The following CSMD1 variants were observed in gnomAD, a reference collection of about 807,000 sequenced individuals.
The protein encoded by CSMD1 is CUB and sushi domain-containing protein 1.
CSMD1 carries 213 observed loss-of-function variants against 417.5 expected under a neutral mutation model. The observed-to-expected ratio is 0.51, with a 90% CI of 0.46 to 0.57. The LOEUF (loss-of-function observed/expected upper bound fraction) is 0.57, where lower values mean the gene tolerates loss of function less well. CSMD1 is among the 20% of genes least tolerant of loss of function. The pLI, the probability that CSMD1 is intolerant of heterozygous loss-of-function variation, is 0.00. For missense variants in CSMD1, 6,923 were observed against 4,529.7 expected (o/e 1.53, Z -15.17); for synonymous variants, 2,862 against 1,736.8 (o/e 1.65, Z -16.11).
intron 2 of CSMD1, among the ~76,000 whole-genome samples, chr8:4,576,915 G>A (rs1318254322): frequency 1.3e-5 from 2 of 152,144 alleles, no homozygotes; most frequent in African/African-American, 4.8e-5. Context: ...TTAATAGAAT[G>A]ATTATTTAGA....
At chr8:4,355,119 G>A (rs535521316) in intron 3 of CSMD1, among the ~76,000 whole-genome samples, 5 of 151,724 alleles carry the variant, frequency 3.3e-5, no homozygotes, top group Non-Finnish European at 7.4e-5. Flanking sequence ...AAAATTAGCC[G>A]GGCGTGGTGG....
chr8:4,030,311 C>G (rs1382058416), intron 4 of CSMD1, among the ~76,000 whole-genome samples: 1 of 152,222 alleles, frequency 6.6e-6, no homozygotes, highest in Non-Finnish European at 1.5e-5. Context: ...TAGCAAACTT[C>G]TATCTGGACA....
In CSMD1 at chr8:3,250,215, C is replaced by A. The variant is rs1222121700; in HGVS notation, c.4154-19984G>T. On this transcript the variant is annotated intron_variant, in intron 26 of 69. Coordinates refer to ENST00000635120, the MANE Select transcript of CSMD1 (RefSeq NM_033225.6). ...AAATACTATCCCTCCCTGATCCCCC[C>A]ACCCCACAACAGGCCCCAGTGTGTG... is the stretch of plus-strand genomic sequence containing the variant. Among the ~76,000 whole-genome samples, 4 of 152,178 alleles carry A rather than the reference C, an allele frequency of 2.6e-5. No homozygotes were observed. The South Asian group carries it at 6.2e-4, about 24-fold the overall frequency.
intron 3 of CSMD1, among the ~76,000 whole-genome samples, chr8:4,043,699 C>T (rs972435816): frequency 4.6e-5 from 7 of 152,134 alleles, no homozygotes; most frequent in Admixed American, 1.3e-4. Context: ...TTCTGAATTA[C>T]ACATTCAATT....
chr8:4,183,908 G>T (rs1798519298), intron 3 of CSMD1, among the ~76,000 whole-genome samples: 1 of 152,100 alleles, frequency 6.6e-6, no homozygotes, highest in African/African-American at 2.4e-5. Flanking sequence ...GCCACAGCTT[G>T]GGGCAGCTAC....
At chr8:4,442,701 C>T (rs928633143) in intron 2 of CSMD1, among the ~76,000 whole-genome samples, 13 of 152,232 alleles carry the variant, frequency 8.5e-5, no homozygotes, top group East Asian at 3.9e-4. Flanking sequence ...AAAGGTAGTT[C>T]CCCGAAATGT....
At chr8:3,970,738 G>T (rs965731252) in intron 5 of CSMD1, among the ~76,000 whole-genome samples, 3 of 151,896 alleles carry the variant, frequency 2.0e-5, no homozygotes, top group Non-Finnish European at 4.4e-5. Flanking sequence ...AGGTGGCATG[G>T]CATCTTGTTT....
intron 1 of CSMD1, among the ~76,000 whole-genome samples, chr8:4,845,298 T>A (rs1801078965): frequency 6.6e-6 from 1 of 152,222 alleles, no homozygotes; most frequent in African/African-American, 2.4e-5. Context: ...AAACGAACAC[T>A]GTTAATGTGC....
chr8:4,726,254 A>T (rs1028109349), intron 1 of CSMD1, among the ~76,000 whole-genome samples: 2 of 152,064 alleles, frequency 1.3e-5, no homozygotes, highest in African/African-American at 4.8e-5. Flanking sequence ...GTGTTTCTAC[A>T]GCCTTGCCCC....
chr8:3,080,865 A>G (rs1413696131), intron 49 of CSMD1, among the ~76,000 whole-genome samples: 2 of 152,234 alleles, frequency 1.3e-5, no homozygotes, highest in Non-Finnish European at 2.9e-5. Context: ...GATGGCCCTC[A>G]CAATGTATCC....
chr8:3,609,463 T>C (rs1284345517), intron 8 of CSMD1, among the ~76,000 whole-genome samples: 1 of 152,218 alleles, frequency 6.6e-6, no homozygotes, highest in Non-Finnish European at 1.5e-5. Flanking sequence ...TTGTATTTTA[T>C]GCTTTATTTT....
At chr8:3,546,918 T>C (rs1798690975) in intron 10 of CSMD1, among the ~76,000 whole-genome samples, 1 of 152,198 alleles carries the variant, frequency 6.6e-6, no homozygotes, top group South Asian at 2.1e-4. Context: ...TGCTTGAGTT[T>C]AGATGGAGGG....
intron 26 of CSMD1, among the ~76,000 whole-genome samples, chr8:3,262,184 A>AAAAAAT (rs1420684024): frequency 4.7e-5 from 3 of 63,172 alleles, no homozygotes; most frequent in African/African-American, 1.4e-4. Context: ...TGCTCATATG[A>AAAAAAT]ATATATATAT....
rs140560227 is a variant in CSMD1, at chr8:3,459,654, T to A, written c.1561+9058A>T. ...TAACTCCCGGACGGTCCAGGGGAGG[T>A]GGACTCAGAGAACCAGAGAGGGCAC... On this transcript the variant is annotated intron_variant, in intron 12 of 69. Transcript: ENST00000635120. 6.6e-4 allele frequency among the ~76,000 whole-genome samples: 99 copies of A among 151,046 alleles called. 1 individual carries two copies. The East Asian group carries it at 0.019, about 28-fold the overall frequency.
Position 2,965,836 on chromosome 8 carries a change from T to C in CSMD1, c.9219A>G (p.Thr3073=). The C allele has an allele frequency of 6.2e-7, 1 of 1,608,608 alleles. No individual in the cohort carries two copies. The highest frequency in any genetic ancestry group is 8.5e-7 in the Non-Finnish European group (1 of 1,177,408). The part of the protein sequence containing the change: ...CNPGYVMEAV[T]SATIRCTKDG... ...CTTTGGTACAGCGAATAGTGGCGGA[T>C]GTGACTGCTTCCATGACATAGCCTG... Residue 3073 remains threonine (T), a synonymous_variant, in exon 59 of 70, where the codon ACA becomes ACG. Coordinates refer to ENST00000635120, the MANE Select transcript of CSMD1 (RefSeq NM_033225.6).
chr8:4,199,799 C>T (rs1222935498), intron 3 of CSMD1, among the ~76,000 whole-genome samples: 1 of 152,052 alleles, frequency 6.6e-6, no homozygotes, highest in Non-Finnish European at 1.5e-5. Flanking sequence ...GATAGAAAAT[C>T]GGATGACTTT....
chr8:4,232,882 T>G (rs1216610279), intron 3 of CSMD1, among the ~76,000 whole-genome samples: 1 of 152,124 alleles, frequency 6.6e-6, no homozygotes, highest in Admixed American at 6.5e-5. Flanking sequence ...CTTGAATAAG[T>G]GTAAAAGGAG....
chr8:3,342,511 T>C (rs981830890), intron 23 of CSMD1, among the ~76,000 whole-genome samples: 3 of 152,242 alleles, frequency 2.0e-5, no homozygotes, highest in Non-Finnish European at 4.4e-5. Context: ...TAATTACTTA[T>C]CCACACCAAA....
At chr8:4,625,711 T>C (rs1802059989) in intron 2 of CSMD1, among the ~76,000 whole-genome samples, 1 of 152,118 alleles carries the variant, frequency 6.6e-6, no homozygotes. Context: ...CCGTAACATA[T>C]TCAAGACAGG....
Sources: allele counts gnomAD v4.1 joint callset (sites outside exome capture counted in the v4.1 genomes callset), GRCh38; gene constraint gnomAD v4.1.1; transcripts MANE v1.5; gene names NCBI Gene and HGNC (gene_info 2026-07-23, HGNC 2026-07-21).